Variants in MIX23 observed in about 807,000 individuals in gnomAD.
MIX23 encodes mitochondrial matrix import factor 23.
MIX23 carries 13 observed loss-of-function variants against 21.6 expected under a neutral mutation model. That is an observed-to-expected ratio of 0.60 (90% CI 0.39 to 0.96). The LOEUF (loss-of-function observed/expected upper bound fraction) is 0.96, where lower values mean the gene tolerates loss of function less well. Among genes scored for constraint, MIX23 ranks in the 40% least tolerant of loss-of-function variants. The probability of loss-of-function intolerance (pLI) is 0.00; values close to 1 mark genes in which losing one functional copy is unlikely to be tolerated. For synonymous variants in MIX23, 59 were observed against 58.0 expected, an observed-to-expected ratio of 1.02 and a Z score of -0.08; for missense variants, 144 against 171.2, an observed-to-expected ratio of 0.84 and a Z score of 0.89.
chr3:122,382,138 A>G (rs2075537857), intron 1 of MIX23, among the ~76,000 whole-genome samples: 1 of 152,260 alleles, frequency 6.6e-6, no homozygotes, highest in Admixed American at 6.5e-5. Context: ...ATTTGGAAAT[A>G]GGATATTTTA....
intron 4 of MIX23, 84 bp downstream of exon 4, chr3:122,362,884 A>T: frequency 9.3e-7 from 1 of 1,072,848 alleles, no homozygotes; most frequent in Non-Finnish European, 1.4e-6. Context: ...GCCTCAAGGC[A>T]CTCTTTACTC....
At chr3:122,382,057 AT>A (rs1207877347) in intron 1 of MIX23, among the ~76,000 whole-genome samples, 14 of 152,338 alleles carry the variant, frequency 9.2e-5, no homozygotes, top group Middle Eastern at 3.4e-3. Context: ...TATCTAATAA[AT>A]TCTTGAATGC....
intron 4 of MIX23, 127 bp downstream of exon 4, chr3:122,362,841 A>T: frequency 2.5e-6 from 1 of 393,072 alleles, no homozygotes. Flanking sequence ...CCTCAATTGT[A>T]AATGTAAACG....
At chr3:122,380,459 T>A (rs759338354) in intron 1 of MIX23, among the ~76,000 whole-genome samples, 1 of 152,216 alleles carries the variant, frequency 6.6e-6, no homozygotes, top group Non-Finnish European at 1.5e-5. Flanking sequence ...GAAACCATCA[T>A]TGATGCTAGA....
chr3:122,373,832 G>A (rs2075462047), intron 1 of MIX23, among the ~76,000 whole-genome samples: 1 of 152,018 alleles, frequency 6.6e-6, no homozygotes, highest in South Asian at 2.1e-4. Flanking sequence ...TAAAACACTA[G>A]CAAATATCAG....
chr3:122,375,434 A>G (rs2075477743), intron 1 of MIX23, among the ~76,000 whole-genome samples: 1 of 152,216 alleles, frequency 6.6e-6, no homozygotes, highest in Non-Finnish European at 1.5e-5. Flanking sequence ...TGGCAATAGT[A>G]TGGTGTTAGA....
At chr3:122,376,126 G>A (rs1468213885) in intron 1 of MIX23, among the ~76,000 whole-genome samples, 7 of 123,856 alleles carry the variant, frequency 5.7e-5, no homozygotes, top group Non-Finnish European at 7.8e-5. Flanking sequence ...TCGTGCCACT[G>A]CATTCCAGCC....
At chr3:122,361,624 T>C (rs1287146438) in intron 4 of MIX23, among the ~76,000 whole-genome samples, 1 of 152,228 alleles carries the variant, frequency 6.6e-6, no homozygotes, top group South Asian at 2.1e-4. Context: ...ATTTTACATA[T>C]ATCATAAACT....
intron 3 of MIX23, chr3:122,366,521 G>A (rs1360829346): frequency 2.0e-5 from 3 of 152,298 alleles, no homozygotes; most frequent in East Asian, 3.9e-4. Context: ...AATAGATGAC[G>A]AGGTCCCCTT....
At chr3:122,372,149 A>C (rs2075446232) in intron 1 of MIX23, among the ~76,000 whole-genome samples, 1 of 136,786 alleles carries the variant, frequency 7.3e-6, no homozygotes, top group Non-Finnish European at 1.5e-5. Flanking sequence ...GTGTACTACT[A>C]GTTTTTATTT....
chr3:122,359,942 A>G, intron 4 of MIX23, 23 bp from the exon 5 acceptor site: 1 of 1,586,554 alleles, frequency 6.3e-7, no homozygotes, highest in East Asian at 2.3e-5. Context: ...AACAGAAACA[A>G]AAGTCATTGA....
intron 1 of MIX23, among the ~76,000 whole-genome samples, chr3:122,379,808 G>A (rs1262203159): frequency 2.6e-5 from 4 of 152,194 alleles, no homozygotes; most frequent in South Asian, 4.1e-4. Context: ...AAATTCTGTA[G>A]TACTCCCAGC....
chr3:122,365,201 G>A (rs2075387798), intron 3 of MIX23: 1 of 152,124 alleles, frequency 6.6e-6, no homozygotes, highest in Non-Finnish European at 1.5e-5. Flanking sequence ...GTAAACTAGT[G>A]GGGATTTTTT....
chr3:122,359,818 T>C lies in MIX23; in HGVS notation c.*51A>G. On this transcript the variant is annotated 3_prime_UTR_variant, in exon 5 of 5. Transcript: ENST00000291458. Reference sequence around the variant, plus strand: ...TCTGTCATGCTTAGCTCTTATGAGATGACCCAGTCCTTAAAAAAAAAAAAA... The same window carrying C: ...TCTGTCATGCTTAGCTCTTATGAGACGACCCAGTCCTTAAAAAAAAAAAAA... 1 of 1,381,206 alleles carries C rather than the reference T, an allele frequency of 7.2e-7. No homozygotes were observed. Among genetic ancestry groups the C allele is most frequent in the Non-Finnish European group, 9.3e-7 (1 of 1,073,416 alleles). The allele number at this position is 1,381,206 out of a possible 1,614,324, so 85.6% of individuals were successfully genotyped here. A position where few individuals can be genotyped will look rare whatever the true frequency, so the allele number is the denominator to read the frequency against.
At chr3:122,381,704 C>T (rs935065570) in intron 1 of MIX23, among the ~76,000 whole-genome samples, 1 of 137,856 alleles carries the variant, frequency 7.3e-6, no homozygotes, top group Non-Finnish European at 1.5e-5. Flanking sequence ...GGGGATAGAG[C>T]GAGACTCTGT....
intron 4 of MIX23, among the ~76,000 whole-genome samples, chr3:122,361,444 C>T (rs1206336377): frequency 1.3e-5 from 2 of 152,184 alleles, no homozygotes; most frequent in African/African-American, 4.8e-5. Flanking sequence ...TCTCCAAATC[C>T]TTTTCCCAAA....
chr3:122,371,591 A>T, intron 2 of MIX23, 84 bp downstream of exon 2: 1 of 1,456,806 alleles, frequency 6.9e-7, no homozygotes, highest in Non-Finnish European at 9.6e-7. Flanking sequence ...CTTTAGTCAC[A>T]GTCGAGTTAC....
chr3:122,360,062 C>T, intron 4 of MIX23, 143 bp from the exon 5 acceptor site: 2 of 821,404 alleles, frequency 2.4e-6, no homozygotes, highest in South Asian at 1.7e-5. Flanking sequence ...AGAGTTTCCT[C>T]AGCAGTTCAA....
chr3:122,374,573 A>C (rs749089933), intron 1 of MIX23, among the ~76,000 whole-genome samples: 1 of 152,216 alleles, frequency 6.6e-6, no homozygotes, highest in Non-Finnish European at 1.5e-5. Flanking sequence ...ATGTCTGTAC[A>C]TGTTCAGTAT....
Sources: allele counts gnomAD v4.1 joint callset (sites outside exome capture counted in the v4.1 genomes callset), GRCh38; gene constraint gnomAD v4.1.1; transcripts MANE v1.5; gene names NCBI Gene and HGNC (gene_info 2026-07-23, HGNC 2026-07-21).